The following NXPH2 variants were observed in gnomAD, a reference collection of about 807,000 sequenced individuals.
NXPH2 encodes neurexophilin 2, also known as neurexophilin-2.
In NXPH2, 5 loss-of-function variants were observed where a neutral mutation model predicts 19.8. The observed-to-expected ratio is 0.25, with a 90% CI of 0.13 to 0.53. The LOEUF is 0.53. Ranked by LOEUF, NXPH2 falls within the 20% of genes least tolerant of loss-of-function variation. The pLI is 0.96. For missense variants in NXPH2, 289 were observed against 322.8 expected (o/e 0.90, Z 0.80); for synonymous variants, 154 against 127.4 (o/e 1.21, Z -1.41).
At chr2:138,694,432 G>A (rs1462750811) in intron 1 of NXPH2, among the ~76,000 whole-genome samples, 1 of 152,138 alleles carries the variant, frequency 6.6e-6, no homozygotes, top group Non-Finnish European at 1.5e-5. Flanking sequence ...GAAGCACAAA[G>A]GTAGACACCA....
chr2:138,709,444 C>G (rs549286960), intron 1 of NXPH2, among the ~76,000 whole-genome samples: 5 of 151,876 alleles, frequency 3.3e-5, no homozygotes, highest in Non-Finnish European at 5.9e-5. Context: ...ATACCCCTGC[C>G]CCCCTCCCTA....
intron 1 of NXPH2, among the ~76,000 whole-genome samples, chr2:138,767,003 ACTT>A (rs1682101933): frequency 6.6e-6 from 1 of 152,148 alleles, no homozygotes. Flanking sequence ...GCTTCTATTA[ACTT>A]CTTACTATGT....
At chr2:138,774,408 T>C (rs1682227233) in intron 1 of NXPH2, among the ~76,000 whole-genome samples, 1 of 152,210 alleles carries the variant, frequency 6.6e-6, no homozygotes, top group African/African-American at 2.4e-5. Context: ...TATACATCAC[T>C]TGTGATGTGG....
Position 138,769,312 on chromosome 2 carries a change from G to T in NXPH2, c.51+10879C>A, listed in dbSNP as rs149046292. Among the ~76,000 whole-genome samples, 55 of 152,172 alleles carry T rather than the reference G, an allele frequency of 3.6e-4. 3 individuals carry two copies. The East Asian group carries it at 0.011, about 29-fold the overall frequency. On this transcript the variant is annotated intron_variant, in intron 1 of 1. Transcript: ENST00000272641. ...ATTTCATAGGATTGTGTGACTGAAT[G>T]GTTATTATAGGGGATGAGGAAAGAT...
At chr2:138,713,121 C>T (rs1390288921) in intron 1 of NXPH2, among the ~76,000 whole-genome samples, 2 of 152,182 alleles carry the variant, frequency 1.3e-5, no homozygotes, top group Non-Finnish European at 2.9e-5. Context: ...AAGGGGCCTC[C>T]TTCTGGGAGA....
intron 1 of NXPH2, among the ~76,000 whole-genome samples, chr2:138,735,898 C>T (rs1013268075): frequency 3.9e-5 from 6 of 152,234 alleles, no homozygotes; most frequent in Non-Finnish European, 8.8e-5. Flanking sequence ...CAGCCCCATG[C>T]AAGTCCAAAA....
At chr2:138,767,842 C>A (rs968478118) in intron 1 of NXPH2, among the ~76,000 whole-genome samples, 3 of 152,226 alleles carry the variant, frequency 2.0e-5, no homozygotes, top group Admixed American at 1.3e-4. Flanking sequence ...TTTTCTGGAG[C>A]TCTTCACTGG....
In NXPH2 at chr2:138,730,460, C is replaced by T. The variant is rs192246094; in HGVS notation, c.51+49731G>A. Among the ~76,000 whole-genome samples the T allele has an allele frequency of 3.6e-3, 550 of 152,184 alleles. 2 individuals are homozygous for T. Among genetic ancestry groups the T allele is most frequent in the Non-Finnish European group, 5.4e-3 (370 of 68,008 alleles). ...ATGAATTTTGGGGGCACGATTCAGC[C>T]CATAGCACTTCTGAGGTGTGGTTAT... On this transcript the variant is annotated intron_variant, in intron 1 of 1. Coordinates refer to ENST00000272641, the MANE Select transcript of NXPH2 (RefSeq NM_007226.3).
intron 1 of NXPH2, among the ~76,000 whole-genome samples, chr2:138,778,007 G>C (rs1225802166): frequency 6.6e-6 from 1 of 152,068 alleles, no homozygotes; most frequent in Non-Finnish European, 1.5e-5. Flanking sequence ...ACAAAACTAT[G>C]AGCCATCCAA....
intron 1 of NXPH2, among the ~76,000 whole-genome samples, chr2:138,742,841 A>G (rs774281253): frequency 6.6e-6 from 1 of 152,238 alleles, no homozygotes; most frequent in Non-Finnish European, 1.5e-5. Flanking sequence ...CAGGAGGTCT[A>G]GAGACTGACC....
rs113305449 is a variant in NXPH2, at chr2:138,698,826, C to T, written c.52-27161G>A. ...CTATGATCACACCACTGTACTCCAG[C>T]CTGGGAGACAAAGAGAGATTGCATC... On this transcript the variant is annotated intron_variant, in intron 1 of 1. Transcript: ENST00000272641. Among the ~76,000 whole-genome samples, 264 of 152,074 alleles carry T rather than the reference C, an allele frequency of 1.7e-3. 1 individual carries two copies. The highest frequency in any genetic ancestry group is 6.1e-3 in the African/African-American group (255 of 41,482).
At chr2:138,683,660 A>G (rs557830721) in intron 1 of NXPH2, among the ~76,000 whole-genome samples, 1 of 152,318 alleles carries the variant, frequency 6.6e-6, no homozygotes, top group South Asian at 2.1e-4. Context: ...GCTAGGCTAC[A>G]GTATCCAGTT....
chr2:138,684,564 A>G (rs900184797), intron 1 of NXPH2, among the ~76,000 whole-genome samples: 1 of 152,176 alleles, frequency 6.6e-6, no homozygotes, highest in African/African-American at 2.4e-5. Flanking sequence ...TAATAGGTCA[A>G]ATGCTCTGGA....
chr2:138,739,795 G>T (rs1681614792), intron 1 of NXPH2, among the ~76,000 whole-genome samples: 1 of 152,062 alleles, frequency 6.6e-6, no homozygotes, highest in South Asian at 2.1e-4. Flanking sequence ...GGTCTGTATG[G>T]TTTATTTCAT....
chr2:138,757,750 CTT>C (rs1681935212), intron 1 of NXPH2, among the ~76,000 whole-genome samples: 1 of 151,170 alleles, frequency 6.6e-6, no homozygotes, highest in Non-Finnish European at 1.5e-5. Context: ...ACCTCACTCT[CTT>C]ATATATGTGT....
At chr2:138,740,348 GCT>G (rs1435570639) in intron 1 of NXPH2, among the ~76,000 whole-genome samples, 2 of 152,170 alleles carry the variant, frequency 1.3e-5, no homozygotes, top group African/African-American at 4.8e-5. Context: ...CTGAAATGGT[GCT>G]CTGTTTTTTC....
intron 1 of NXPH2, among the ~76,000 whole-genome samples, chr2:138,707,308 A>G (rs1357775226): frequency 1.3e-5 from 2 of 152,138 alleles, no homozygotes. Context: ...GGCCATACCA[A>G]TGTGTACTTG....
intron 1 of NXPH2, among the ~76,000 whole-genome samples, chr2:138,720,590 AAG>A (rs1681264933): frequency 6.6e-6 from 1 of 152,224 alleles, no homozygotes; most frequent in Non-Finnish European, 1.5e-5. Context: ...TGCAGCTACA[AAG>A]AGAGAGAAAA....
At chr2:138,741,786 G>A (rs995665160) in intron 1 of NXPH2, among the ~76,000 whole-genome samples, 1 of 152,114 alleles carries the variant, frequency 6.6e-6, no homozygotes, top group Admixed American at 6.5e-5. Flanking sequence ...ACCTACATTT[G>A]CTTCTATTTC....
Sources: gnomAD v4.1 joint callset for allele counts (sites outside exome capture counted in the v4.1 genomes callset) on GRCh38, gnomAD v4.1.1 for gene constraint, MANE v1.5 for transcripts, NCBI Gene and HGNC (gene_info 2026-07-23, HGNC 2026-07-21) for gene names.